The following ATP6V1H variants were observed in gnomAD, a reference collection of about 807,000 sequenced individuals.
ATP6V1H encodes the protein V-type proton ATPase subunit H.
ATP6V1H carries 39 observed loss-of-function variants against 71.7 expected under a neutral mutation model. That is an observed-to-expected ratio of 0.54 (90% CI 0.42 to 0.71). ATP6V1H has a LOEUF of 0.71. ATP6V1H is among the 30% of genes least tolerant of loss of function. ATP6V1H has a pLI of 0.00. For missense variants in ATP6V1H, 509 were observed against 594.9 expected, an observed-to-expected ratio of 0.86 and a Z score of 1.50; for synonymous variants, 192 against 199.3, an observed-to-expected ratio of 0.96 and a Z score of 0.31.
At chr8:53,806,960 G>A (rs1810095584) in intron 7 of ATP6V1H, 2 of 423,112 alleles carry the variant, frequency 4.7e-6, no homozygotes. Context: ...ATCATAAGTT[G>A]GACCATCGTA....
At chr8:53,827,466 T>C (rs1810860205) in intron 4 of ATP6V1H, among the ~76,000 whole-genome samples, 1 of 151,972 alleles carries the variant, frequency 6.6e-6, no homozygotes, top group Non-Finnish European at 1.5e-5. Flanking sequence ...CAGAAACAAA[T>C]GACTCTTACA....
intron 11 of ATP6V1H, among the ~76,000 whole-genome samples, chr8:53,760,884 A>C (rs1186683620): frequency 6.6e-6 from 1 of 152,212 alleles, no homozygotes; most frequent in Non-Finnish European, 1.5e-5. Flanking sequence ...GGGCTCCTTA[A>C]GACTGTTTTT....
chr8:53,792,791 A>C (rs1362722802), intron 9 of ATP6V1H, among the ~76,000 whole-genome samples: 1 of 152,228 alleles, frequency 6.6e-6, no homozygotes, highest in East Asian at 1.9e-4. Flanking sequence ...CATAAAAATT[A>C]CTTAATAAAT....
chr8:53,758,351 G>A (rs762532497), intron 11 of ATP6V1H, among the ~76,000 whole-genome samples: 13 of 152,038 alleles, frequency 8.6e-5, no homozygotes, highest in African/African-American at 1.9e-4. Context: ...GCTCAGAGTC[G>A]TCAGAGCTAT....
rs1326509811 is a variant in ATP6V1H at position 53,761,332 on chromosome 8, GTCT to G, written c.1176-4679_1176-4677del. Among the ~76,000 whole-genome samples, 383 of 147,268 alleles carry G rather than the reference GTCT, an allele frequency of 2.6e-3. 1 individual carries two copies. The highest frequency in any genetic ancestry group is 9.0e-3 in the African/African-American group (359 of 39,884). ...AGCCTGGGCAACAGAGCGAGACTCC[GTCT>G]CAAAAAAAAAAAAAAGAAAAATACC... On this transcript the variant is annotated intron_variant, in intron 11 of 13. Transcript: ENST00000359530.
intron 12 of ATP6V1H, among the ~76,000 whole-genome samples, chr8:53,754,487 G>A (rs1051702667): frequency 3.3e-5 from 5 of 152,136 alleles, no homozygotes; most frequent in South Asian, 2.1e-4. Flanking sequence ...GTCCCCCAGG[G>A]CCCTGGACTC....
intron 1 of ATP6V1H, 106 bp downstream of exon 1, chr8:53,842,928 G>C (rs1811391545): frequency 6.6e-6 from 1 of 152,476 alleles, no homozygotes; most frequent in African/African-American, 2.4e-5. Context: ...AACAGGAGAG[G>C]ACCAAGCGGC....
At chr8:53,837,161 A>C (rs935868377) in intron 2 of ATP6V1H, among the ~76,000 whole-genome samples, 8 of 151,890 alleles carry the variant, frequency 5.3e-5, no homozygotes, top group Admixed American at 1.3e-4. Flanking sequence ...AAAAAGAGAG[A>C]GTGAATAGGA....
intron 9 of ATP6V1H, among the ~76,000 whole-genome samples, chr8:53,787,486 G>A (rs894894824): frequency 6.6e-6 from 1 of 151,416 alleles, no homozygotes; most frequent in African/African-American, 2.4e-5. Flanking sequence ...ATGTGTAGAT[G>A]TGAATTAAAC....
intron 9 of ATP6V1H, among the ~76,000 whole-genome samples, chr8:53,785,235 T>C (rs1809330030): frequency 6.6e-6 from 1 of 152,208 alleles, no homozygotes; most frequent in African/African-American, 2.4e-5. Context: ...CTTTGTTCAT[T>C]TCTTTTCACT....
In ATP6V1H at chr8:53,817,513, A is replaced by G. The variant is rs758389939; in HGVS notation, c.324T>C (p.Val108=). 1 of 1,610,706 alleles carries G rather than the reference A, an allele frequency of 6.2e-7. No individual in the cohort carries two copies. The highest frequency in any genetic ancestry group is 1.1e-5 in the South Asian group (1 of 90,528). Residue 108 remains valine (V), a synonymous_variant, in exon 5 of 14, where the codon GTT becomes GTC. Transcript: ENST00000359530. ...ATCTTGCATAGTCAAAGAAAATGCT[A>G]ACACGCTGATGATTTTCCTAAAAAA... ...DDMLQENHQR[V]SIFFDYARCS...
chr8:53,800,223 T>G (rs1217497417), intron 8 of ATP6V1H, among the ~76,000 whole-genome samples: 1 of 152,214 alleles, frequency 6.6e-6, no homozygotes, highest in Admixed American at 6.5e-5. Flanking sequence ...ATACTCAGCC[T>G]GTGTCTTTGT....
At chr8:53,785,761 T>G (rs1281619818) in intron 9 of ATP6V1H, among the ~76,000 whole-genome samples, 1 of 152,178 alleles carries the variant, frequency 6.6e-6, no homozygotes, top group Non-Finnish European at 1.5e-5. Context: ...CTAACACTCA[T>G]GACCCTTGGC....
intron 11 of ATP6V1H, among the ~76,000 whole-genome samples, chr8:53,763,022 G>T (rs778138457): frequency 6.6e-6 from 1 of 152,024 alleles, no homozygotes; most frequent in Non-Finnish European, 1.5e-5. Flanking sequence ...TTACTTTATT[G>T]TAAGAATACA....
chr8:53,777,866 A>G (rs1808950499), intron 9 of ATP6V1H, among the ~76,000 whole-genome samples: 1 of 152,242 alleles, frequency 6.6e-6, no homozygotes, highest in Non-Finnish European at 1.5e-5. Flanking sequence ...GTGATACCAC[A>G]AGTGGAAAGC....
intron 5 of ATP6V1H, among the ~76,000 whole-genome samples, chr8:53,815,471 C>A (rs1418413068): frequency 6.6e-6 from 1 of 152,144 alleles, no homozygotes; most frequent in Non-Finnish European, 1.5e-5. Context: ...CACTAGCTAA[C>A]CTCAAAATAA....
intron 9 of ATP6V1H, among the ~76,000 whole-genome samples, chr8:53,786,755 A>T (rs955547669): frequency 6.6e-6 from 1 of 152,226 alleles, no homozygotes; most frequent in African/African-American, 2.4e-5. Flanking sequence ...TATAAACATC[A>T]TTTTTGCCTT....
chr8:53,794,022 A>G (rs1462899098), intron 9 of ATP6V1H, among the ~76,000 whole-genome samples: 2 of 152,194 alleles, frequency 1.3e-5, no homozygotes, highest in Non-Finnish European at 2.9e-5. Flanking sequence ...AATATTCATC[A>G]AAGTGGGCAA....
chr8:53,747,330 CTA>C (rs540345678), intron 12 of ATP6V1H, among the ~76,000 whole-genome samples: 1 of 152,226 alleles, frequency 6.6e-6, no homozygotes, highest in East Asian at 1.9e-4. Flanking sequence ...AATATACCCT[CTA>C]GAGTTATAAA....
Sources: allele counts gnomAD v4.1 joint callset (sites outside exome capture counted in the v4.1 genomes callset), GRCh38; gene constraint gnomAD v4.1.1; transcripts MANE v1.5; gene names NCBI Gene and HGNC (gene_info 2026-07-23, HGNC 2026-07-21).